The following AUTS2 variants were observed in gnomAD, a reference collection of about 807,000 sequenced individuals.
AUTS2 encodes the protein activator of transcription and developmental regulator AUTS2, also known as autism susceptibility gene 2 protein.
Under a neutral mutation model 112.4 loss-of-function variants are expected in AUTS2, and 17 were observed. The observed-to-expected ratio is 0.15, with a 90% CI of 0.10 to 0.23. AUTS2 has a LOEUF of 0.23. AUTS2 is among the 10% of genes least tolerant of loss of function. The pLI is 1.00. For synonymous variants in AUTS2, 751 were observed against 702.7 expected, an observed-to-expected ratio of 1.07 and a Z score of -1.09; for missense variants, 1,510 against 1,701.6, an observed-to-expected ratio of 0.89 and a Z score of 1.98.
At chr7:70,343,503 G>A (rs1295247507) in intron 4 of AUTS2, among the ~76,000 whole-genome samples, 1 of 152,196 alleles carries the variant, frequency 6.6e-6, no homozygotes, top group African/African-American at 2.4e-5. Context: ...TATCCCACTG[G>A]ATTGTAACCT....
At chr7:69,921,690 G>C (rs976813272) in intron 2 of AUTS2, among the ~76,000 whole-genome samples, 4 of 142,490 alleles carry the variant, frequency 2.8e-5, no homozygotes, top group Non-Finnish European at 6.1e-5. Context: ...AGAATTGCTT[G>C]AACCCAGGAG....
chr7:70,502,473 C>G (rs1004932672), intron 5 of AUTS2, among the ~76,000 whole-genome samples: 1 of 152,178 alleles, frequency 6.6e-6, no homozygotes, highest in African/African-American at 2.4e-5. Context: ...GAGTATAGTC[C>G]TGAAGGCAGT....
At chr7:70,125,245 ATGTGTGTGTGTGTGTGTGTGTG>A (rs59747508) in intron 3 of AUTS2, among the ~76,000 whole-genome samples, 3 of 144,914 alleles carry the variant, frequency 2.1e-5, no homozygotes, top group African/African-American at 2.5e-5. Flanking sequence ...TTATTTGGAG[ATGTGTGTGTGTGTGTGTGTGTG>A]TGTGTGTGTG....
intron 1 of AUTS2, among the ~76,000 whole-genome samples, chr7:69,682,183 G>C (rs1375880709): frequency 6.6e-6 from 1 of 152,194 alleles, no homozygotes; most frequent in Non-Finnish European, 1.5e-5. Flanking sequence ...CATTTGGGTA[G>C]CTTTAGACTT....
chr7:70,107,622 G>A (rs1432437062), intron 2 of AUTS2, among the ~76,000 whole-genome samples: 5 of 150,038 alleles, frequency 3.3e-5, no homozygotes, highest in Non-Finnish European at 5.9e-5. Context: ...GATTACAGGC[G>A]TGAGCCACCA....
intron 5 of AUTS2, among the ~76,000 whole-genome samples, chr7:70,671,603 G>T (rs1807646547): frequency 1.3e-5 from 2 of 152,162 alleles, no homozygotes. Flanking sequence ...GCTCTGCTTT[G>T]CAAGAGACCA....
intron 6 of AUTS2, among the ~76,000 whole-genome samples, chr7:70,724,443 C>CTTT (rs71077675): frequency 1.5e-4 from 15 of 101,370 alleles, no homozygotes; most frequent in Non-Finnish European, 1.7e-4. Context: ...TTCATCCTGA[C>CTTT]TTTTTTTTTT....
chr7:70,324,172 C>T (rs1393680079), intron 4 of AUTS2, among the ~76,000 whole-genome samples: 1 of 152,040 alleles, frequency 6.6e-6, no homozygotes, highest in East Asian at 1.9e-4. Context: ...AAAACTAGGC[C>T]GTACATTTTG....
intron 4 of AUTS2, among the ~76,000 whole-genome samples, chr7:70,180,184 G>C (rs1809221642): frequency 6.6e-6 from 1 of 152,094 alleles, no homozygotes. Context: ...TAAAAAATAA[G>C]TTATCATATT....
intron 2 of AUTS2, among the ~76,000 whole-genome samples, chr7:69,945,891 A>C (rs1796791337): frequency 6.6e-6 from 1 of 152,118 alleles, no homozygotes; most frequent in Non-Finnish European, 1.5e-5. Context: ...TCTGTCACCC[A>C]GGCTGGAGTG....
intron 6 of AUTS2, chr7:70,728,992 T>A (rs942872094): frequency 8.6e-6 from 3 of 348,344 alleles, no homozygotes; most frequent in Non-Finnish European, 1.2e-5. Flanking sequence ...AGGGGCCACA[T>A]GAAAGGGAAA....
chr7:70,361,407 T>G (rs1256936363), intron 4 of AUTS2, among the ~76,000 whole-genome samples: 1 of 152,200 alleles, frequency 6.6e-6, no homozygotes. Flanking sequence ...TCGTGTCTTT[T>G]GTTTGGCTCA....
chr7:69,777,285 G>A (rs1788936932), intron 1 of AUTS2, among the ~76,000 whole-genome samples: 1 of 152,082 alleles, frequency 6.6e-6, no homozygotes, highest in African/African-American at 2.4e-5. Flanking sequence ...TGATTGAACA[G>A]TCACGTTATT....
chr7:70,711,201 T>G (rs931201691), intron 6 of AUTS2, among the ~76,000 whole-genome samples: 3 of 152,186 alleles, frequency 2.0e-5, no homozygotes, highest in African/African-American at 7.2e-5. Context: ...CCCTCCAGGT[T>G]GAGGGAAGAC....
intron 5 of AUTS2, among the ~76,000 whole-genome samples, chr7:70,616,966 G>A (rs972137870): frequency 7.9e-5 from 12 of 152,088 alleles, no homozygotes; most frequent in African/African-American, 1.9e-4. Flanking sequence ...AAAAGGATCC[G>A]GTAGTCATGG....
chr7:70,369,271 G>A (rs191233702), intron 4 of AUTS2, among the ~76,000 whole-genome samples: 1 of 152,290 alleles, frequency 6.6e-6, no homozygotes, highest in East Asian at 1.9e-4. Flanking sequence ...TGCTGGCCTA[G>A]CACTTTGGCA....
intron 4 of AUTS2, among the ~76,000 whole-genome samples, chr7:70,350,226 T>G (rs1191474945): frequency 6.6e-6 from 1 of 152,252 alleles, no homozygotes; most frequent in Admixed American, 6.5e-5. Flanking sequence ...GAGACCTATT[T>G]TTTTTTATGG....
At chr7:69,850,217 T>G (rs1792404640) in intron 1 of AUTS2, among the ~76,000 whole-genome samples, 1 of 151,164 alleles carries the variant, frequency 6.6e-6, no homozygotes, top group Admixed American at 6.6e-5. Context: ...GAGAATAGCT[T>G]GAACCCAGGA....
chr7:70,319,554 A>G (rs947799269), intron 4 of AUTS2, among the ~76,000 whole-genome samples: 8 of 152,206 alleles, frequency 5.3e-5, no homozygotes, highest in Non-Finnish European at 7.3e-5. Context: ...AAACCTGTGT[A>G]TGTTAAAAAG....
Sources: allele counts gnomAD v4.1 joint callset (sites outside exome capture counted in the v4.1 genomes callset), GRCh38; gene constraint gnomAD v4.1.1; transcripts MANE v1.5; gene names NCBI Gene and HGNC (gene_info 2026-07-23, HGNC 2026-07-21).